ZNF737: variants seen among roughly 807,000 people sequenced by gnomAD.
ZNF737 encodes the protein zinc finger protein 737.
In ZNF737, 13 loss-of-function variants were observed where a neutral mutation model predicts 11.7. The ratio of observed to expected loss-of-function variants is 1.11; its 90% CI spans 0.73 to 1.77. The LOEUF (loss-of-function observed/expected upper bound fraction) is 1.77, where lower values mean the gene tolerates loss of function less well. ZNF737 is among the 40% of genes most tolerant of loss of function. The pLI, the probability that ZNF737 is intolerant of heterozygous loss-of-function variation, is 0.00. For missense variants in ZNF737, 636 were observed against 638.0 expected (o/e 1.00, Z 0.03); for synonymous variants, 217 against 216.2 (o/e 1.00, Z -0.03).
intron 1 of ZNF737, among the ~76,000 whole-genome samples, chr19:20,560,143 G>A (rs1252437312): frequency 2.1e-5 from 3 of 141,580 alleles, no homozygotes; most frequent in Non-Finnish European, 3.0e-5. Context: ...TCCGCAGTCC[G>A]GCCTGGGCGA....
Position 20,543,190 on chromosome 19 carries a change from G to T in ZNF737, c.*1402C>A. On this transcript the variant is annotated 3_prime_UTR_variant, in exon 4 of 4. Coordinates refer to ENST00000427401, the MANE Select transcript of ZNF737 (RefSeq NM_001159293.2). ...GCATAAACTCTCTGTTGTTTTCTAAGCTGTAGTTTCTGGGGAAAAAAAAGT... is the reference window on the plus strand; with the variant it reads ...GCATAAACTCTCTGTTGTTTTCTAATCTGTAGTTTCTGGGGAAAAAAAAGT... 2.0e-6 allele frequency: 2 copies of T among 981,228 alleles called. No homozygotes were observed. The highest frequency in any genetic ancestry group is 1.8e-5 in the African/African-American group (1 of 56,610). The allele number at this position is 981,228 out of a possible 1,614,324, so 60.8% of individuals were successfully genotyped here. A position where few individuals can be genotyped will look rare whatever the true frequency, so the allele number is the denominator to read the frequency against.
intron 1 of ZNF737, among the ~76,000 whole-genome samples, chr19:20,563,465 T>C (rs2144709119): frequency 6.7e-6 from 1 of 149,306 alleles, no homozygotes; most frequent in South Asian, 2.1e-4. Flanking sequence ...ACACAGTGTT[T>C]ACATAAGAAG....
rs1219183560 is a variant in ZNF737, at chr19:20,551,447, A to AAAAG, written c.226+1024_226+1027dup. Among the ~76,000 whole-genome samples the AAAAG allele has an allele frequency of 2.2e-3, 287 of 131,478 alleles. 4 individuals carry two copies. The highest frequency in any genetic ancestry group is 2.8e-3 in the East Asian group (12 of 4,336). The allele number at this position is 131,478 out of a possible 152,430, so 86.3% of individuals were successfully genotyped here. On this transcript the variant is annotated intron_variant, in intron 3 of 3. Transcript: ENST00000427401. The stretch of plus-strand genomic sequence containing the variant: ...CCCATCTCAAAAAAAAAAAAAAAAA[A>AAAAG]AAAGAAAGAAAGAAAGAAATCCATT...
chr19:20,561,466 CCTTT>C (rs1555762440), intron 1 of ZNF737, among the ~76,000 whole-genome samples: 3 of 152,028 alleles, frequency 2.0e-5, no homozygotes, highest in Non-Finnish European at 4.4e-5. Context: ...CATCAGAGCT[CCTTT>C]CTTCTAAGTT....
At chr19:20,548,134 T>G (rs1427799663) in intron 3 of ZNF737, among the ~76,000 whole-genome samples, 1 of 151,178 alleles carries the variant, frequency 6.6e-6, no homozygotes, top group Admixed American at 6.6e-5. Flanking sequence ...AGAGTGAGAC[T>G]CCATCTAAAA....
chr19:20,542,239 T>G lies in ZNF737; in HGVS notation c.*2353A>C. 2 of 973,128 alleles carry G rather than the reference T, an allele frequency of 2.1e-6. No homozygotes were observed. The highest frequency in any genetic ancestry group is 2.4e-6 in the Non-Finnish European group (2 of 818,946). 60.3% of individuals were successfully genotyped at this position (973,128 alleles called of 1,614,324 possible). A position where few individuals can be genotyped will look rare whatever the true frequency, so the allele number is the denominator to read the frequency against. On this transcript the variant is annotated 3_prime_UTR_variant, in exon 4 of 4. Coordinates refer to ENST00000427401, the MANE Select transcript of ZNF737 (RefSeq NM_001159293.2). ...TCACAAATAATCTAACAAACTTTTT[T>G]TTTTTTGAGACAGAGTTTTGCTCTT... is the stretch of plus-strand genomic sequence containing the variant.
downstream of ZNF737, chr19:20,536,129 C>A: frequency 2.0e-6 from 2 of 984,872 alleles, no homozygotes; most frequent in Non-Finnish European, 2.4e-6. Context: ...AGGACAGCCA[C>A]TTCTCTGCAA....
At chr19:20,553,171 C>A (rs1182388419) in intron 2 of ZNF737, among the ~76,000 whole-genome samples, 2 of 152,204 alleles carry the variant, frequency 1.3e-5, no homozygotes, top group South Asian at 2.1e-4. Flanking sequence ...TCTGGAATTA[C>A]CACTAATTTG....
intron 3 of ZNF737, 120 bp downstream of exon 3, chr19:20,552,355 C>A: frequency 3.4e-6 from 2 of 596,164 alleles, no homozygotes. Flanking sequence ...AAAACAGCTC[C>A]CAGGAACTAT....
rs532368645 is a variant in ZNF737, at chr19:20,540,921, G to C, written c.*3671C>G. 20 of 969,630 alleles carry C rather than the reference G, an allele frequency of 2.1e-5. No individual in the cohort carries two copies. The East Asian group carries it at 8.0e-4, about 39-fold the overall frequency. The allele number at this position is 969,630 out of a possible 1,614,324, so 60.1% of individuals were successfully genotyped here. Reference sequence around the variant, plus strand: ...CCATTTATACATTCACACACACATAGAACAATAAAAATATATCCAATTATT... The same window carrying C: ...CCATTTATACATTCACACACACATACAACAATAAAAATATATCCAATTATT... On this transcript the variant is annotated 3_prime_UTR_variant, in exon 4 of 4. Coordinates refer to ENST00000427401, the MANE Select transcript of ZNF737 (RefSeq NM_001159293.2).
chr19:20,543,116 T>C lies in ZNF737; in HGVS notation c.*1476A>G. On this transcript the variant is annotated 3_prime_UTR_variant, in exon 4 of 4. Coordinates refer to ENST00000427401, the MANE Select transcript of ZNF737 (RefSeq NM_001159293.2). The stretch of plus-strand genomic sequence containing the variant: ...CTTGATATTTATATACAATCTATTT[T>C]GAATTAAATATTTTTTAATATTTAC... 1.0e-6 allele frequency: 1 copy of C among 954,732 alleles called. No homozygotes were observed. The highest frequency in any genetic ancestry group is 1.2e-4 in the East Asian group (1 of 8,684). 59.1% of individuals were successfully genotyped at this position (954,732 alleles called of 1,614,324 possible).
downstream of ZNF737, among the ~76,000 whole-genome samples, chr19:20,533,810 C>G (rs1423138208): frequency 6.7e-6 from 1 of 150,000 alleles, no homozygotes; most frequent in Non-Finnish European, 1.5e-5. Context: ...TGATCGGGAT[C>G]ACCTGGGCTG....
chr19:20,531,448 A>G (rs939512514), downstream of ZNF737, among the ~76,000 whole-genome samples: 2 of 85,952 alleles, frequency 2.3e-5, no homozygotes, highest in Non-Finnish European at 4.2e-5. Context: ...GTGTACCATC[A>G]TTTTGTTAGT....
At position 20,540,232 on chromosome 19, in the gene ZNF737, G is replaced by A. The variant is rs1968146720; in HGVS notation, c.*4360C>T. On this transcript the variant is annotated 3_prime_UTR_variant, in exon 4 of 4. Coordinates refer to ENST00000427401, the MANE Select transcript of ZNF737 (RefSeq NM_001159293.2). ...CAGGCCAGCAGGGGTGTTTTTCTGT[G>A]ATGTGTCTCTTTCTCTTAAAAGCAC... 5 of 808,598 alleles carry A rather than the reference G, an allele frequency of 6.2e-6. No individual in the cohort carries two copies. The highest frequency in any genetic ancestry group is 7.5e-6 in the Non-Finnish European group (5 of 669,126). The allele number at this position is 808,598 out of a possible 1,614,324, so 50.1% of individuals were successfully genotyped here. A position where few individuals can be genotyped will look rare whatever the true frequency, so the allele number is the denominator to read the frequency against.
chr19:20,546,811 C>T (rs570432839), intron 3 of ZNF737, among the ~76,000 whole-genome samples: 15 of 152,256 alleles, frequency 9.9e-5, no homozygotes, highest in African/African-American at 3.4e-4. Flanking sequence ...GTCCAGGAGG[C>T]TGAGGTTACA....
At chr19:20,552,277 A>G (rs1198147945) in intron 3 of ZNF737, among the ~76,000 whole-genome samples, 198 bp downstream of exon 3, 2 of 151,826 alleles carry the variant, frequency 1.3e-5, no homozygotes, top group Non-Finnish European at 2.9e-5. Context: ...GAATTTTTAC[A>G]GAATTTAAAA....
At chr19:20,547,433 CT>C (rs1366205886) in intron 3 of ZNF737, among the ~76,000 whole-genome samples, 1 of 148,324 alleles carries the variant, frequency 6.7e-6, no homozygotes, top group Non-Finnish European at 1.5e-5. Context: ...CAATGTGACA[CT>C]GACACAAAGA....
In ZNF737 at chr19:20,539,671, G is replaced by A. The variant is rs1599395407; in HGVS notation, c.*4921C>T. ...ATAGTAGAATCCTCTATAATTAGAA[G>A]TTAATTATTTATAAATTCATTGTTT... is the stretch of plus-strand genomic sequence containing the variant. On this transcript the variant is annotated 3_prime_UTR_variant, in exon 4 of 4. Transcript: ENST00000427401. The A allele has an allele frequency of 8.7e-6, 8 of 924,354 alleles. No homozygotes were observed. The highest frequency in any genetic ancestry group is 1.0e-5 in the Non-Finnish European group (8 of 774,358). 57.3% of individuals were successfully genotyped at this position (924,354 alleles called of 1,614,324 possible).
rs1568439575 is a variant in ZNF737, at chr19:20,565,662, C to T, written c.-22G>A. On this transcript the variant is annotated 5_prime_UTR_variant, in exon 1 of 4. Transcript: ENST00000427401. Reference sequence around the variant, plus strand: ...CCATTTCTAGGCTTCCAGGGGCTCCCGGGCGTCTTAGCTGTGGATCTCCCA... The same window carrying T: ...CCATTTCTAGGCTTCCAGGGGCTCCTGGGCGTCTTAGCTGTGGATCTCCCA... 1.2e-6 allele frequency: 2 copies of T among 1,614,164 alleles called. No homozygotes were observed. The highest frequency in any genetic ancestry group is 1.7e-6 in the Non-Finnish European group (2 of 1,180,032).
Sources: allele counts gnomAD v4.1 joint callset (sites outside exome capture counted in the v4.1 genomes callset), GRCh38; gene constraint gnomAD v4.1.1; transcripts MANE v1.5; gene names NCBI Gene and HGNC (gene_info 2026-07-23, HGNC 2026-07-21).